CPED1: variants seen among roughly 807,000 people sequenced by gnomAD.
CPED1 encodes cadherin-like and PC-esterase domain-containing protein 1.
Under a neutral mutation model 128.2 loss-of-function variants are expected in CPED1, and 114 were observed. The observed-to-expected ratio is 0.89, with a 90% CI of 0.76 to 1.04. The LOEUF is 1.04. CPED1 is among the 50% of genes least tolerant of loss of function. The pLI is 0.00. For missense variants in CPED1, 1,211 were observed against 1,207.1 expected, an observed-to-expected ratio of 1.00 and a Z score of -0.05; for synonymous variants, 462 against 426.7, an observed-to-expected ratio of 1.08 and a Z score of -1.02.
At chr7:121,004,774 C>G (rs1053061071) in intron 2 of CPED1, among the ~76,000 whole-genome samples, 9 of 152,078 alleles carry the variant, frequency 5.9e-5, no homozygotes, top group Non-Finnish European at 1.3e-4. Flanking sequence ...GAGCGATAAA[C>G]AGAGAATGTA....
At chr7:121,242,039 A>G (rs941260555) in intron 17 of CPED1, among the ~76,000 whole-genome samples, 1 of 152,144 alleles carries the variant, frequency 6.6e-6, no homozygotes, top group Non-Finnish European at 1.5e-5. Flanking sequence ...AAGCTTTCCA[A>G]GTGACTCTAA....
intron 22 of CPED1, among the ~76,000 whole-genome samples, chr7:121,279,146 AATAAT>A (rs1792386417): frequency 6.6e-6 from 1 of 152,176 alleles, no homozygotes; most frequent in Admixed American, 6.6e-5. Flanking sequence ...GTTCTCAGAT[AATAAT>A]ATTAGTATAT....
chr7:121,239,549 T>A (rs942768007), intron 17 of CPED1, among the ~76,000 whole-genome samples: 4 of 152,176 alleles, frequency 2.6e-5, no homozygotes, highest in African/African-American at 7.2e-5. Flanking sequence ...TTTAAAAAAA[T>A]TTATCCTACC....
chr7:121,038,388 G>C (rs959066395), intron 3 of CPED1, among the ~76,000 whole-genome samples: 2 of 151,936 alleles, frequency 1.3e-5, no homozygotes, highest in African/African-American at 4.8e-5. Context: ...TTTAAAAATT[G>C]GAATTTATTT....
chr7:121,137,420 G>A lies in CPED1; in HGVS notation c.1699+1330G>A, dbSNP rs138992792. Reference sequence around the variant, plus strand: ...GTTCCTGATCTCAAGTGGTCCTCCCGCCTCAGCCTCTCAAAGTACTGGGAT... The same window carrying A: ...GTTCCTGATCTCAAGTGGTCCTCCCACCTCAGCCTCTCAAAGTACTGGGAT... On this transcript the variant is annotated intron_variant, in intron 14 of 22. Transcript: ENST00000310396. Among the ~76,000 whole-genome samples, 1,076 of 152,036 alleles carry A rather than the reference G, an allele frequency of 7.1e-3. 14 individuals carry two copies. Among genetic ancestry groups the A allele is most frequent in the African/African-American group, 0.023 (944 of 41,484 alleles).
At chr7:121,077,956 G>GT (rs1794176466) in intron 5 of CPED1, among the ~76,000 whole-genome samples, 1 of 151,920 alleles carries the variant, frequency 6.6e-6, no homozygotes, top group African/African-American at 2.4e-5. Context: ...TGCTCGGTTA[G>GT]TTTTTTCTTT....
rs578097925 is a variant in CPED1, at chr7:121,098,076, A to C, written c.749+245A>C. 2.0e-5 allele frequency among the ~76,000 whole-genome samples: 3 copies of C among 152,324 alleles called. No individual in the cohort carries two copies. The South Asian group carries it at 6.2e-4, about 32-fold the overall frequency. On this transcript the variant is annotated intron_variant, in intron 6 of 22. Coordinates refer to ENST00000310396, the MANE Select transcript of CPED1 (RefSeq NM_024913.5). ...GGACTCTTATCTAATAAGTTACATT[A>C]AAGGAAATTGAATTTAAAACCTTGA...
At chr7:121,064,455 A>G (rs1585048368) in intron 5 of CPED1, 142 bp downstream of exon 5, 12 of 607,682 alleles carry the variant, frequency 2.0e-5, no homozygotes, top group Non-Finnish European at 3.5e-5. Flanking sequence ...CGCAGTTCAC[A>G]ACGCTTTGCC....
rs374967100 is a variant in CPED1, at chr7:121,280,393, G to A, written c.2868+8963G>A. Among the ~76,000 whole-genome samples, 5 of 152,236 alleles carry A rather than the reference G, an allele frequency of 3.3e-5. No homozygotes were observed. The South Asian group carries it at 8.3e-4, about 25-fold the overall frequency. On this transcript the variant is annotated intron_variant, in intron 22 of 22. Transcript: ENST00000310396. ...CTGGAGCTCCTTACAATCAGTCTCC[G>A]CACCTCAGAGCAGAATTTGTTCCCA...
intron 5 of CPED1, among the ~76,000 whole-genome samples, chr7:121,066,504 C>T (rs1793833107): frequency 6.6e-6 from 1 of 152,044 alleles, no homozygotes; most frequent in Admixed American, 6.6e-5. Flanking sequence ...AAAAATCAAG[C>T]AGACAAAAAT....
intron 3 of CPED1, among the ~76,000 whole-genome samples, chr7:121,024,633 G>A (rs778269342): frequency 2.6e-5 from 4 of 152,112 alleles, no homozygotes; most frequent in Admixed American, 6.6e-5. Flanking sequence ...AAGGAAAAAT[G>A]CAGCATTGAA....
chr7:121,032,750 G>A (rs1306417767), intron 3 of CPED1, among the ~76,000 whole-genome samples: 2 of 152,194 alleles, frequency 1.3e-5, no homozygotes, highest in African/African-American at 4.8e-5. Flanking sequence ...ACACTTCTTA[G>A]AGGTGTAGGA....
At chr7:121,223,629 A>G (rs1041787881) in intron 16 of CPED1, among the ~76,000 whole-genome samples, 14 of 152,038 alleles carry the variant, frequency 9.2e-5, no homozygotes, top group Admixed American at 7.9e-4. Flanking sequence ...TATTGCCTCA[A>G]TTTTGGAGCC....
chr7:121,054,482 G>C (rs1272626187), intron 4 of CPED1, among the ~76,000 whole-genome samples: 1 of 152,062 alleles, frequency 6.6e-6, no homozygotes, highest in Admixed American at 6.6e-5. Flanking sequence ...TTTGTGTGTG[G>C]TCTTCTTGTC....
intron 12 of CPED1, 83 bp downstream of exon 12, chr7:121,130,377 A>C (rs1012731051): frequency 8.5e-7 from 1 of 1,177,164 alleles, no homozygotes; most frequent in African/African-American, 1.6e-5. Context: ...GCCTATGTTA[A>C]AGCAAGCAGC....
At chr7:121,021,362 C>G (rs1036394624) in intron 3 of CPED1, among the ~76,000 whole-genome samples, 9 of 151,906 alleles carry the variant, frequency 5.9e-5, no homozygotes, top group African/African-American at 2.2e-4. Context: ...ATCAGTATAT[C>G]ACTTGATATT....
Position 121,271,443 on chromosome 7 carries a change from G to A in CPED1, c.2868+13G>A, listed in dbSNP as rs1562858304. ...TCATTTCCATGAGGTATTTATGCTG[G>A]CTATCTGAGTTTTATAGCTTTTGAT... On this transcript the variant is annotated intron_variant, in intron 22 of 22. Coordinates refer to ENST00000310396, the MANE Select transcript of CPED1 (RefSeq NM_024913.5). 1 of 1,607,770 alleles carries A rather than the reference G, an allele frequency of 6.2e-7. No homozygotes were observed. The highest frequency in any genetic ancestry group is 1.3e-5 in the African/African-American group (1 of 74,774).
At chr7:121,128,591 G>A (rs1795568824) in intron 11 of CPED1, 105 bp downstream of exon 11, 1 of 654,744 alleles carries the variant, frequency 1.5e-6, no homozygotes, top group Non-Finnish European at 2.7e-6. Flanking sequence ...ATTTCTTTAA[G>A]AAATAGAAAT....
At chr7:121,275,258 A>G (rs1015771968) in intron 22 of CPED1, among the ~76,000 whole-genome samples, 1 of 152,164 alleles carries the variant, frequency 6.6e-6, no homozygotes, top group African/African-American at 2.4e-5. Flanking sequence ...GCACCAAAAG[A>G]GAATATGTTG....
Sources: allele counts gnomAD v4.1 joint callset (sites outside exome capture counted in the v4.1 genomes callset), GRCh38; gene constraint gnomAD v4.1.1; transcripts MANE v1.5; gene names NCBI Gene and HGNC (gene_info 2026-07-23, HGNC 2026-07-21).